Variants in CNTN4 observed in about 807,000 individuals in gnomAD.
CNTN4 encodes contactin 4, also known as contactin-4.
A neutral mutation model predicts 122.5 loss-of-function variants in CNTN4; 77 were observed. The ratio of observed to expected loss-of-function variants is 0.63; its 90% CI spans 0.52 to 0.76. The LOEUF (loss-of-function observed/expected upper bound fraction) is 0.76, where lower values mean the gene tolerates loss of function less well. Among genes scored for constraint, CNTN4 ranks in the 30% least tolerant of loss-of-function variants. CNTN4 has a pLI of 0.00. For synonymous variants in CNTN4, 512 were observed against 447.0 expected (o/e 1.15, Z -1.83); for missense variants, 1,256 against 1,259.1 (o/e 1.00, Z 0.04).
chr3:2,985,772 T>A (rs77878454), intron 13 of CNTN4, among the ~76,000 whole-genome samples: 2,372 of 152,308 alleles, frequency 0.016, 70 homozygotes, highest in African/African-American at 0.053. Context: ...ATTTGCATAT[T>A]GATTTCAAAT....
At chr3:2,259,227 A>C (rs1183477203) in intron 2 of CNTN4, among the ~76,000 whole-genome samples, 1 of 152,184 alleles carries the variant, frequency 6.6e-6, no homozygotes, top group Non-Finnish European at 1.5e-5. Context: ...GAACATAAAT[A>C]AGGAATCTGC....
chr3:2,801,251 A>C (rs1400210), intron 6 of CNTN4, among the ~76,000 whole-genome samples: 1 of 152,144 alleles, frequency 6.6e-6, no homozygotes, highest in African/African-American at 2.4e-5. Flanking sequence ...AGTTCAGTGA[A>C]TTTGTGATGT....
chr3:2,899,179 T>C (rs1364568659), intron 10 of CNTN4, among the ~76,000 whole-genome samples: 1 of 152,222 alleles, frequency 6.6e-6, no homozygotes, highest in African/African-American at 2.4e-5. Flanking sequence ...CCTAGAGACC[T>C]CTGCTGGTTA....
chr3:2,924,904 G>A (rs756864879), intron 12 of CNTN4, among the ~76,000 whole-genome samples: 24 of 151,964 alleles, frequency 1.6e-4, no homozygotes, highest in Non-Finnish European at 2.5e-4. Context: ...CAGAGGTGGC[G>A]ACCATATCAG....
intron 10 of CNTN4, among the ~76,000 whole-genome samples, chr3:2,896,798 C>A (rs546036973): frequency 2.6e-5 from 4 of 152,270 alleles, no homozygotes; most frequent in African/African-American, 7.2e-5. Context: ...AGTCTACTAT[C>A]ATTAAAATTC....
chr3:2,130,591 G>T (rs1438765365), intron 2 of CNTN4, among the ~76,000 whole-genome samples: 1 of 152,126 alleles, frequency 6.6e-6, no homozygotes, highest in Admixed American at 6.6e-5. Context: ...GGCACAATTT[G>T]CCTATATAAG....
At chr3:2,886,780 C>G (rs938423281) in intron 9 of CNTN4, among the ~76,000 whole-genome samples, 2 of 152,042 alleles carry the variant, frequency 1.3e-5, no homozygotes, top group Non-Finnish European at 1.5e-5. Flanking sequence ...TCCCAAAGTG[C>G]CAGGATTACA....
intron 9 of CNTN4, among the ~76,000 whole-genome samples, chr3:2,884,196 G>A (rs774256609): frequency 3.2e-4 from 49 of 151,692 alleles, no homozygotes; most frequent in South Asian, 2.1e-4. Context: ...ACCTTTGCTC[G>A]TCTAAGTGCT....
chr3:2,761,438 C>G lies in CNTN4; in HGVS notation c.358+15741C>G, dbSNP rs4234551. ...ATTAAATATGCCTGGTAAGTGTAAC[C>G]TGTGTGTGTGTGTGTGTGTGTGTGT... On this transcript the variant is annotated intron_variant, in intron 6 of 24. Coordinates refer to ENST00000418658, the MANE Select transcript of CNTN4 (RefSeq NM_175607.3). Among the ~76,000 whole-genome samples the G allele has an allele frequency of 1.5e-3, 136 of 92,776 alleles. 1 individual carries two copies. Among genetic ancestry groups the G allele is most frequent in the African/African-American group, 3.9e-3 (119 of 30,356 alleles). 60.9% of individuals were successfully genotyped at this position (92,776 alleles called of 152,430 possible).
intron 4 of CNTN4, among the ~76,000 whole-genome samples, chr3:2,661,473 T>C (rs2083889371): frequency 6.6e-6 from 1 of 151,598 alleles, no homozygotes; most frequent in Non-Finnish European, 1.5e-5. Context: ...GGATGCTGTA[T>C]AAGAAAGAAG....
At chr3:2,403,701 G>C (rs1401138560) in intron 3 of CNTN4, among the ~76,000 whole-genome samples, 2 of 152,144 alleles carry the variant, frequency 1.3e-5, no homozygotes, top group Non-Finnish European at 2.9e-5. Context: ...GAACTACAAA[G>C]AACTTTCATT....
chr3:2,407,294 A>G (rs1432331269), intron 3 of CNTN4, among the ~76,000 whole-genome samples: 1 of 152,216 alleles, frequency 6.6e-6, no homozygotes, highest in Non-Finnish European at 1.5e-5. Flanking sequence ...GAGATTAATC[A>G]GTTGTCAAAT....
chr3:2,484,853 G>A (rs1345204060), intron 3 of CNTN4, among the ~76,000 whole-genome samples: 2 of 152,206 alleles, frequency 1.3e-5, no homozygotes. Context: ...TGCTGTGGGG[G>A]CCCCTCTCTG....
chr3:2,320,585 A>G (rs771300775), intron 2 of CNTN4, among the ~76,000 whole-genome samples: 11 of 152,134 alleles, frequency 7.2e-5, no homozygotes, highest in Non-Finnish European at 1.5e-4. Context: ...TTAATGGCAC[A>G]TTAATTTTCT....
intron 6 of CNTN4, among the ~76,000 whole-genome samples, chr3:2,764,114 G>A (rs1369030941): frequency 6.6e-6 from 1 of 152,132 alleles, no homozygotes; most frequent in Non-Finnish European, 1.5e-5. Context: ...ATATTTTTCT[G>A]AGTGCCTACT....
chr3:2,921,409 G>A (rs2094428873), intron 12 of CNTN4, among the ~76,000 whole-genome samples: 1 of 152,166 alleles, frequency 6.6e-6, no homozygotes, highest in Non-Finnish European at 1.5e-5. Context: ...TCTACCAGTA[G>A]CCTTCTTTCT....
At chr3:2,543,230 A>G (rs756192132) in intron 3 of CNTN4, among the ~76,000 whole-genome samples, 5 of 152,232 alleles carry the variant, frequency 3.3e-5, no homozygotes, top group Non-Finnish European at 7.4e-5. Flanking sequence ...TGCAGCTGTA[A>G]TAAAGAACTA....
At chr3:2,927,330 C>T (rs957964708) in intron 13 of CNTN4, 2 of 455,982 alleles carry the variant, frequency 4.4e-6, no homozygotes, top group Non-Finnish European at 8.8e-6. Flanking sequence ...GGCTCTGCTC[C>T]TCTCTAAGGC....
At chr3:2,877,548 T>C (rs2093858778) in intron 8 of CNTN4, among the ~76,000 whole-genome samples, 1 of 152,226 alleles carries the variant, frequency 6.6e-6, no homozygotes, top group South Asian at 2.1e-4. Context: ...AGCAGAAAAG[T>C]ATGGCTGAGG....
Sources: allele counts gnomAD v4.1 joint callset (sites outside exome capture counted in the v4.1 genomes callset), GRCh38; gene constraint gnomAD v4.1.1; transcripts MANE v1.5; gene names NCBI Gene and HGNC (gene_info 2026-07-23, HGNC 2026-07-21).